Variants in BICRA observed in about 807,000 individuals in gnomAD.
BICRA encodes BRD4 interacting chromatin remodeling complex associated protein, also known as BRD4-interacting chromatin-remodeling complex-associated protein.
A neutral mutation model predicts 96.9 loss-of-function variants in BICRA; 31 were observed. The ratio of observed to expected loss-of-function variants is 0.32; its 90% CI spans 0.24 to 0.43. The LOEUF is 0.43. Ranked by LOEUF, BICRA falls within the 20% of genes least tolerant of loss-of-function variation. The pLI, the probability that BICRA is intolerant of heterozygous loss-of-function variation, is 1.00. For missense variants in BICRA, 2,283 were observed against 2,190.3 expected (o/e 1.04, Z -0.84); for synonymous variants, 1,350 against 1,071.8 (o/e 1.26, Z -5.07).
At chr19:47,610,666 G>A (rs994257596) in intron 1 of BICRA, among the ~76,000 whole-genome samples, 1 of 151,072 alleles carries the variant, frequency 6.6e-6, no homozygotes, top group Non-Finnish European at 1.5e-5. Context: ...AGATCTAGGG[G>A]TGCCTTTCTC....
rs763019891 is a variant in BICRA at position 47,680,112 on chromosome 19, G to A, written c.942G>A (p.Ser314=). ...TGTTCGGAGGCGCGGGGGCCGCCTC[G>A]GCTCCCACCGGGACGCCCTCGGGAC... is the stretch of plus-strand genomic sequence containing the variant. ...NSVFGGAGAA[S]APTGTPSGQP... is the part of the protein sequence containing the mutation. Residue 314 remains serine, a synonymous_variant, in exon 6 of 15, where the codon TCG becomes TCA. Transcript: ENST00000594866. 3 of 1,535,670 alleles carry A rather than the reference G, an allele frequency of 2.0e-6. No individual in the cohort carries two copies. The highest frequency in any genetic ancestry group is 2.4e-5 in the South Asian group (2 of 82,616).
At chr19:47,656,062 C>G (rs1173967972) in intron 1 of BICRA, among the ~76,000 whole-genome samples, 1 of 130,346 alleles carries the variant, frequency 7.7e-6, no homozygotes, top group Non-Finnish European at 1.6e-5. Context: ...TGGTGAGATC[C>G]TGTCTCGACA....
chr19:47,623,036 CA>C (rs879282736), intron 1 of BICRA, among the ~76,000 whole-genome samples: 406 of 124,658 alleles, frequency 3.3e-3, no homozygotes, highest in Admixed American at 4.9e-3. Flanking sequence ...GAGGCCATCT[CA>C]AAAAAAAAAA....
At chr19:47,685,947 GT>G (rs57184017) in intron 7 of BICRA, among the ~76,000 whole-genome samples, 3,275 of 138,576 alleles carry the variant, frequency 0.024, 97 homozygotes, top group African/African-American at 0.075. Context: ...ATAAGAATTT[GT>G]TTTTTTTTTT....
chr19:47,688,725 G>T (rs1555790444), intron 7 of BICRA, among the ~76,000 whole-genome samples: 1 of 152,074 alleles, frequency 6.6e-6, no homozygotes, highest in Admixed American at 6.5e-5. Flanking sequence ...GGAGGCGGAG[G>T]TTGCAGCAAG....
chr19:47,639,549 T>C (rs1006820087), intron 1 of BICRA, among the ~76,000 whole-genome samples: 4 of 151,358 alleles, frequency 2.6e-5, no homozygotes, highest in African/African-American at 9.7e-5. Flanking sequence ...TAGGATGGTC[T>C]CGATCTCCTG....
At chr19:47,693,880 A>G (rs1973279148) in intron 7 of BICRA, among the ~76,000 whole-genome samples, 1 of 152,036 alleles carries the variant, frequency 6.6e-6, no homozygotes, top group African/African-American at 2.4e-5. Context: ...AGGCCAGAGA[A>G]ATGTGGAGGA....
chr19:47,611,018 G>A (rs1458955210), intron 1 of BICRA, among the ~76,000 whole-genome samples: 1 of 152,172 alleles, frequency 6.6e-6, no homozygotes, highest in Non-Finnish European at 1.5e-5. Context: ...CACAGTCCAA[G>A]GAGGAAATAG....
intron 1 of BICRA, among the ~76,000 whole-genome samples, chr19:47,656,950 C>T (rs1465938346): frequency 6.6e-6 from 1 of 151,798 alleles, no homozygotes; most frequent in African/African-American, 2.4e-5. Context: ...CAACCTCCAC[C>T]TCCCGGGTTC....
At chr19:47,658,631 CAA>C (rs3074083) in intron 1 of BICRA, among the ~76,000 whole-genome samples, 10,455 of 96,542 alleles carry the variant, frequency 0.11, 299 homozygotes, top group East Asian at 0.27. Context: ...GACTTCGTCT[CAA>C]AAAAAAAAAA....
intron 1 of BICRA, among the ~76,000 whole-genome samples, chr19:47,612,761 G>A (rs1236219598): frequency 6.6e-6 from 1 of 152,102 alleles, no homozygotes; most frequent in Non-Finnish European, 1.5e-5. Flanking sequence ...CGGCCGAGCT[G>A]GGACTCCAAG....
Position 47,702,285 on chromosome 19 carries a change from C to A in BICRA, c.4553C>A (p.Thr1518Lys), listed in dbSNP as rs757753962. 6 of 1,593,264 alleles carry A rather than the reference C, an allele frequency of 3.8e-6. No homozygotes were observed. The highest frequency in any genetic ancestry group is 4.3e-6 in the Non-Finnish European group (5 of 1,175,936). The change falls in exon 15 of 15, where the codon ACG becomes AAG. Residue 1518 changes from threonine (T) to lysine (K), a missense_variant. Physicochemically the swap from Thr to Lys is moderately conservative, Grantham distance 78. Transcript: ENST00000594866. ...ILNLQQAPGR[T>K]PAPSYPHAAS... ...AACCTGCAGCAGGCCCCCGGCCGGA[C>A]GCCCGCGCCCTCGTACCCCCACGCT...
chr19:47,653,277 C>T lies in BICRA; in HGVS notation c.-107-17166C>T, dbSNP rs143341896. Among the ~76,000 whole-genome samples, 1,335 of 151,606 alleles carry T rather than the reference C, an allele frequency of 8.8e-3. 15 individuals are homozygous for T. Among genetic ancestry groups the T allele is most frequent in the African/African-American group, 0.027 (1,097 of 41,326 alleles). ...ACCTCAAGTGATCCGCCTGCCTCGG[C>T]CTCCCAAAGTGCTGGGATTATAGGC... On this transcript the variant is annotated intron_variant, in intron 1 of 14. Transcript: ENST00000594866.
At chr19:47,676,026 A>G (rs1972935080) in intron 5 of BICRA, 110 bp downstream of exon 5, 1 of 357,550 alleles carries the variant, frequency 2.8e-6, no homozygotes, top group South Asian at 2.4e-5. Flanking sequence ...GGCTGTTGAC[A>G]GGAGGAGGGC....
chr19:47,653,528 G>A (rs745990825), intron 1 of BICRA, among the ~76,000 whole-genome samples: 2 of 151,922 alleles, frequency 1.3e-5, no homozygotes, highest in African/African-American at 4.8e-5. Flanking sequence ...CTCCCTCCCC[G>A]CAGTCCTTAG....
intron 11 of BICRA, among the ~76,000 whole-genome samples, chr19:47,697,866 G>A (rs1244746384): frequency 2.0e-5 from 3 of 152,030 alleles, no homozygotes; most frequent in Non-Finnish European, 4.4e-5. Context: ...CACCACACTC[G>A]GCTAATTTTT....
intron 1 of BICRA, among the ~76,000 whole-genome samples, chr19:47,636,844 A>G (rs1972306963): frequency 1.3e-5 from 2 of 151,814 alleles, no homozygotes; most frequent in Admixed American, 1.3e-4. Context: ...TGGCTTCTGA[A>G]TTTCTCCCTG....
upstream of BICRA, among the ~76,000 whole-genome samples, chr19:47,608,647 C>G (rs963531740): frequency 6.6e-6 from 1 of 151,884 alleles, no homozygotes; most frequent in African/African-American, 2.4e-5. Flanking sequence ...CTCGAGCAGG[C>G]GCGCCCCTGA....
rs1277972875 is a variant in BICRA, at chr19:47,680,741, T to C, written c.1571T>C (p.Leu524Pro). 6.2e-7 allele frequency: 1 copy of C among 1,607,166 alleles called. No individual in the cohort carries two copies. The highest frequency in any genetic ancestry group is 1.3e-5 in the African/African-American group (1 of 74,676). Reference protein sequence around the residue: ...ILTNQNLAGPLSLGPVLAPHS... With the variant: ...ILTNQNLAGPPSLGPVLAPHS... ...ACAAACCAGAACCTGGCGGGCCCAC[T>C]GAGCCTGGGCCCCGTGTTGGCCCCC... Residue 524 changes from leucine (L) to proline (P), a missense_variant, in exon 6 of 15, where the codon CTG (leucine) becomes CCG (proline). Leu to Pro is a moderately conservative substitution (Grantham distance 98). Transcript: ENST00000594866.
Sources: allele counts gnomAD v4.1 joint callset (sites outside exome capture counted in the v4.1 genomes callset), GRCh38; gene constraint gnomAD v4.1.1; transcripts MANE v1.5; gene names NCBI Gene and HGNC (gene_info 2026-07-23, HGNC 2026-07-21).